The following ESRRG variants were observed in gnomAD, a reference collection of about 807,000 sequenced individuals.
The protein encoded by ESRRG is estrogen related receptor gamma, also known as estrogen-related receptor gamma.
Under a neutral mutation model 44.0 loss-of-function variants are expected in ESRRG, and 13 were observed. That is an observed-to-expected ratio of 0.30 (90% confidence interval 0.19 to 0.47). ESRRG has a LOEUF of 0.47. ESRRG is among the 20% of genes least tolerant of loss of function. The probability of loss-of-function intolerance (pLI) is 1.00; values close to 1 mark genes in which losing one functional copy is unlikely to be tolerated. For synonymous variants in ESRRG, 215 were observed against 214.6 expected, an observed-to-expected ratio of 1.00 and a Z score of -0.02; for missense variants, 395 against 580.6, an observed-to-expected ratio of 0.68 and a Z score of 3.29.
intron 2 of ESRRG, among the ~76,000 whole-genome samples, chr1:216,652,518 G>T (rs1283505950): frequency 5.9e-5 from 9 of 151,964 alleles, no homozygotes; most frequent in African/African-American, 2.2e-4. Flanking sequence ...GTTTGAGATA[G>T]CCTATCAGAA....
At chr1:216,702,776 CAA>C (rs5780911) in intron 1 of ESRRG, among the ~76,000 whole-genome samples, 11 of 95,134 alleles carry the variant, frequency 1.2e-4, no homozygotes, top group Non-Finnish European at 1.1e-4. Flanking sequence ...GACTCTGCCT[CAA>C]AAAAAAAAAA....
intron 1 of ESRRG, among the ~76,000 whole-genome samples, chr1:216,688,023 A>C (rs891570515): frequency 1.1e-4 from 17 of 152,212 alleles, no homozygotes; most frequent in Non-Finnish European, 2.4e-4. Context: ...TTTGGGAAAA[A>C]AAACAAAAGA....
intron 2 of ESRRG, among the ~76,000 whole-genome samples, chr1:216,780,789 G>C (rs562865557): frequency 6.6e-6 from 1 of 152,172 alleles, no homozygotes; most frequent in African/African-American, 2.4e-5. Context: ...ACAGAACCAA[G>C]TTCCCAGACC....
intron 1 of ESRRG, among the ~76,000 whole-genome samples, chr1:217,037,037 G>A (rs2083030187): frequency 6.6e-6 from 1 of 152,220 alleles, no homozygotes; most frequent in African/African-American, 2.4e-5. Flanking sequence ...CCACAAGGCT[G>A]AGTTTGTTCT....
chr1:217,108,134 C>G (rs1004564262), intron 1 of ESRRG, among the ~76,000 whole-genome samples: 4 of 152,156 alleles, frequency 2.6e-5, no homozygotes, highest in African/African-American at 4.8e-5. Context: ...CTTGACAACA[C>G]AAACTCTTAA....
intron 3 of ESRRG, among the ~76,000 whole-genome samples, chr1:216,569,830 C>T (rs932171181): frequency 6.6e-6 from 1 of 152,118 alleles, no homozygotes; most frequent in Non-Finnish European, 1.5e-5. Context: ...ATTTAAGCCC[C>T]CTCAGAGCCA....
At position 216,677,440 on chromosome 1, in the gene ESRRG, C is replaced by T. The variant is rs752362344; in HGVS notation, c.108G>A (p.Ser36=). The T allele has an allele frequency of 3.2e-5, 51 of 1,613,586 alleles. No homozygotes were observed. In the Admixed American group the frequency reaches 3.2e-4, roughly 10 times the overall value. The change falls in exon 2 of 7, where the codon TCG becomes TCA. Residue 36 remains serine, a synonymous_variant. Coordinates refer to ENST00000408911, the MANE Select transcript of ESRRG (RefSeq NM_001438.4). The part of the protein sequence containing the change: ...NKDRHIDSSC[S]SFIKTEPSSP... ...TGGAAGGTTCCGTCTTGATGAAGGA[C>T]GAACAGCTGGAATCAATGTGTCGAT...
intron 2 of ESRRG, among the ~76,000 whole-genome samples, chr1:216,764,382 G>T (rs1050494244): frequency 6.6e-6 from 1 of 151,786 alleles, no homozygotes; most frequent in African/African-American, 2.4e-5. Flanking sequence ...CGATTCTCCT[G>T]CCTCACCTCC....
At chr1:217,119,391 C>T (rs2092788048) in intron 1 of ESRRG, among the ~76,000 whole-genome samples, 1 of 152,208 alleles carries the variant, frequency 6.6e-6, no homozygotes, top group African/African-American at 2.4e-5. Flanking sequence ...CCTTCAGGTA[C>T]ATGATGTGAA....
At chr1:216,696,579 A>G (rs2080202728) in intron 1 of ESRRG, among the ~76,000 whole-genome samples, 1 of 152,200 alleles carries the variant, frequency 6.6e-6, no homozygotes, top group Non-Finnish European at 1.5e-5. Context: ...AGAGCAACTT[A>G]AAAAATACTA....
chr1:216,779,482 ATAAATATATATT>A (rs1201227828), intron 2 of ESRRG, among the ~76,000 whole-genome samples: 1 of 14,964 alleles, frequency 6.7e-5, no homozygotes, highest in East Asian at 2.1e-3. Flanking sequence ...ATTTATAAAT[ATAAATATATATT>A]TATATATAAA....
At chr1:216,639,389 G>A (rs920152621) in intron 3 of ESRRG, among the ~76,000 whole-genome samples, 5 of 152,136 alleles carry the variant, frequency 3.3e-5, no homozygotes, top group African/African-American at 1.2e-4. Flanking sequence ...AATCCAGGGA[G>A]AAGCCACTAA....
intron 1 of ESRRG, among the ~76,000 whole-genome samples, chr1:217,081,260 T>C (rs1403691849): frequency 7.0e-6 from 1 of 142,926 alleles, no homozygotes; most frequent in Non-Finnish European, 1.5e-5. Context: ...AGAGTTTTGC[T>C]CTTGTTGCCC....
intron 1 of ESRRG, among the ~76,000 whole-genome samples, chr1:216,980,469 A>G (rs762245719): frequency 5.9e-5 from 9 of 152,214 alleles, no homozygotes; most frequent in Non-Finnish European, 1.0e-4. Flanking sequence ...TATTTTCCAG[A>G]TTTTCCAGAA....
intron 1 of ESRRG, among the ~76,000 whole-genome samples, chr1:216,952,961 T>C (rs539602081): frequency 3.0e-4 from 45 of 152,248 alleles, no homozygotes; most frequent in African/African-American, 9.6e-4. Flanking sequence ...ATCACTCACA[T>C]TGGGCCACTT....
intron 2 of ESRRG, among the ~76,000 whole-genome samples, chr1:216,841,681 C>T (rs1285596809): frequency 6.6e-6 from 1 of 152,102 alleles, no homozygotes; most frequent in Non-Finnish European, 1.5e-5. Flanking sequence ...ACCTCTTAAC[C>T]TCCCCTTCAG....
chr1:217,093,870 AT>A (rs1321074021), upstream of ESRRG, among the ~76,000 whole-genome samples: 1 of 151,334 alleles, frequency 6.6e-6, no homozygotes, highest in Non-Finnish European at 1.5e-5. Flanking sequence ...TTATTATTAT[AT>A]TTTTTATTAA....
At chr1:217,034,517 C>T (rs2082551271) in intron 1 of ESRRG, among the ~76,000 whole-genome samples, 1 of 152,308 alleles carries the variant, frequency 6.6e-6, no homozygotes. Context: ...CTGAGAACCA[C>T]TGGCGGACCT....
chr1:216,909,573 C>T (rs1313400637), intron 2 of ESRRG, among the ~76,000 whole-genome samples: 1 of 152,076 alleles, frequency 6.6e-6, no homozygotes, highest in Non-Finnish European at 1.5e-5. Context: ...TTAGTTGAGA[C>T]AGGGTTTTTC....
Sources: gnomAD v4.1 joint callset for allele counts (sites outside exome capture counted in the v4.1 genomes callset) on GRCh38, gnomAD v4.1.1 for gene constraint, MANE v1.5 for transcripts, NCBI Gene and HGNC (gene_info 2026-07-23, HGNC 2026-07-21) for gene names.